Variants in ZNF322 observed in about 807,000 individuals in gnomAD.
ZNF322 encodes HLA complex group 12.
In ZNF322, 1 loss-of-function variant was observed where a neutral mutation model predicts 18.3. The ratio of observed to expected loss-of-function variants is 0.05; its 90% CI spans 0.02 to 0.26. ZNF322 has a LOEUF of 0.26. Ranked by LOEUF, ZNF322 falls within the 10% of genes least tolerant of loss-of-function variation. ZNF322 has a pLI of 1.00. For synonymous variants in ZNF322, 17 were observed against 130.7 expected (o/e 0.13, Z 5.93); for missense variants, 36 against 403.6 (o/e 0.09, Z 7.80).
At chr6:26,656,900 C>T (rs565528485) in intron 2 of ZNF322, among the ~76,000 whole-genome samples, 29 of 152,140 alleles carry the variant, frequency 1.9e-4, no homozygotes, top group African/African-American at 6.7e-4. Flanking sequence ...TATTCATATC[C>T]AAGCTTTTTT....
intron 3 of ZNF322, among the ~76,000 whole-genome samples, chr6:26,643,026 C>A (rs952758695): frequency 6.6e-6 from 1 of 152,304 alleles, no homozygotes; most frequent in Admixed American, 6.5e-5. Context: ...TTCACAATAG[C>A]CCAAGAGGCC....
chr6:26,652,345 A>G (rs1765685891), intron 2 of ZNF322, among the ~76,000 whole-genome samples: 1 of 152,170 alleles, frequency 6.6e-6, no homozygotes, highest in Non-Finnish European at 1.5e-5. Flanking sequence ...ATATACAAAA[A>G]TATACATATA....
chr6:26,648,787 A>G (rs927110071), intron 2 of ZNF322, among the ~76,000 whole-genome samples: 1 of 152,230 alleles, frequency 6.6e-6, no homozygotes, highest in African/African-American at 2.4e-5. Flanking sequence ...CCAAAAATAG[A>G]CTCGAATAAA....
At chr6:26,658,378 GA>G (rs1765818842) in intron 2 of ZNF322, among the ~76,000 whole-genome samples, 179 bp downstream of exon 2, 1 of 151,578 alleles carries the variant, frequency 6.6e-6, no homozygotes, top group Non-Finnish European at 1.5e-5. Flanking sequence ...AAAAGGAGTA[GA>G]AAATAGCCTT....
intron 2 of ZNF322, among the ~76,000 whole-genome samples, chr6:26,644,395 A>T (rs1765518610): frequency 6.6e-6 from 1 of 152,188 alleles, no homozygotes; most frequent in Non-Finnish European, 1.5e-5. Context: ...GACCCAGGCA[A>T]CATATAGGGC....
At chr6:26,646,771 G>A (rs1017827561) in intron 2 of ZNF322, among the ~76,000 whole-genome samples, 13 of 152,068 alleles carry the variant, frequency 8.5e-5, no homozygotes, top group African/African-American at 2.9e-4. Flanking sequence ...ATGTAATAAA[G>A]GAAGCATCAT....
intron 2 of ZNF322, among the ~76,000 whole-genome samples, chr6:26,647,707 C>G (rs955612706): frequency 6.6e-6 from 1 of 151,844 alleles, no homozygotes. Context: ...GATTATTTCA[C>G]GAAATAATTC....
intron 3 of ZNF322, among the ~76,000 whole-genome samples, chr6:26,643,285 A>T (rs1163237049): frequency 6.6e-6 from 1 of 152,148 alleles, no homozygotes; most frequent in Non-Finnish European, 1.5e-5. Flanking sequence ...GCCTTTCCTA[A>T]CCACTCTGTT....
chr6:26,641,852 C>T (rs1765472000), intron 3 of ZNF322, among the ~76,000 whole-genome samples: 1 of 152,148 alleles, frequency 6.6e-6, no homozygotes, highest in Non-Finnish European at 1.5e-5. Flanking sequence ...CTGAGACAGC[C>T]TGAGATATGG....
rs71544293 is a variant in ZNF322 at position 26,649,675 on chromosome 6, GTA to G, written c.-245-5949_-245-5948del. Among the ~76,000 whole-genome samples the G allele has an allele frequency of 9.2e-4, 21 of 22,948 alleles. 1 individual carries two copies. Among genetic ancestry groups the G allele is most frequent in the African/African-American group, 4.3e-3 (20 of 4,620 alleles). 15.1% of individuals were successfully genotyped at this position (22,948 alleles called of 152,430 possible). ...TGTGTGTGTGTGTGTGTGTGTGTGT[GTA>G]TATATATATATATATATATATATAT... On this transcript the variant is annotated intron_variant, in intron 2 of 3. Coordinates refer to ENST00000415922, the MANE Select transcript of ZNF322 (RefSeq NM_024639.5).
chr6:26,648,644 A>G (rs1378617463), intron 2 of ZNF322, among the ~76,000 whole-genome samples: 1 of 152,248 alleles, frequency 6.6e-6, no homozygotes, highest in Non-Finnish European at 1.5e-5. Flanking sequence ...ACATAAATAT[A>G]AAGAATAACT....
At chr6:26,648,822 A>G (rs1437315469) in intron 2 of ZNF322, among the ~76,000 whole-genome samples, 1 of 152,272 alleles carries the variant, frequency 6.6e-6, no homozygotes, top group Non-Finnish European at 1.5e-5. Flanking sequence ...TTGTTCTTGC[A>G]TAGAACAATT....
intron 2 of ZNF322, among the ~76,000 whole-genome samples, chr6:26,645,028 T>C (rs369579182): frequency 7.2e-5 from 11 of 152,274 alleles, no homozygotes; most frequent in East Asian, 1.9e-4. Context: ...ACTGTTCACA[T>C]TGTTCAGCTC....
chr6:26,655,171 T>G (rs1554149592), intron 2 of ZNF322, among the ~76,000 whole-genome samples: 1 of 152,218 alleles, frequency 6.6e-6, no homozygotes. Flanking sequence ...ATAATTAAAT[T>G]AAATGACTGA....
intron 2 of ZNF322, chr6:26,651,295 A>G (rs1015192382): frequency 1.1e-4 from 16 of 152,278 alleles, no homozygotes; most frequent in African/African-American, 3.8e-4. Context: ...ATCAACATAA[A>G]TGAACTTGGA....
At chr6:26,647,837 TGATGAAGA>T (rs1376569235) in intron 2 of ZNF322, among the ~76,000 whole-genome samples, 1 of 151,432 alleles carries the variant, frequency 6.6e-6, no homozygotes, top group Non-Finnish European at 1.5e-5. Flanking sequence ...TAACTAAACC[TGATGAAGA>T]GAGCATAAAA....
chr6:26,645,551 C>A (rs1554148649), intron 2 of ZNF322, among the ~76,000 whole-genome samples: 1 of 152,020 alleles, frequency 6.6e-6, no homozygotes, highest in Non-Finnish European at 1.5e-5. Context: ...ATATCCCCCA[C>A]AAATAAGGTG....
intron 3 of ZNF322, among the ~76,000 whole-genome samples, chr6:26,640,269 C>T (rs898458997): frequency 6.6e-6 from 1 of 152,182 alleles, no homozygotes; most frequent in Non-Finnish European, 1.5e-5. Context: ...ACCCTCACTA[C>T]TCCACCAAAA....
At chr6:26,652,804 T>G (rs184595947) in intron 2 of ZNF322, among the ~76,000 whole-genome samples, 105 of 152,224 alleles carry the variant, frequency 6.9e-4, no homozygotes, top group Non-Finnish European at 4.1e-4. Context: ...GTTCACTGAT[T>G]GTAAGAAATG....
Sources: allele counts gnomAD v4.1 joint callset (sites outside exome capture counted in the v4.1 genomes callset), GRCh38; gene constraint gnomAD v4.1.1; transcripts MANE v1.5; gene names NCBI Gene and HGNC (gene_info 2026-07-23, HGNC 2026-07-21).